Variants in EXT2 observed in about 807,000 individuals in gnomAD.
The protein encoded by EXT2 is exostosin-2.
A neutral mutation model predicts 81.6 loss-of-function variants in EXT2; 53 were observed. The observed-to-expected ratio is 0.65, with a 90% CI of 0.52 to 0.82. EXT2 has a LOEUF of 0.82. Ranked by LOEUF, EXT2 falls within the 40% of genes least tolerant of loss-of-function variation. EXT2 has a pLI of 0.00. For missense variants in EXT2, 774 were observed against 910.2 expected, an observed-to-expected ratio of 0.85 and a Z score of 1.93; for synonymous variants, 320 against 340.0, an observed-to-expected ratio of 0.94 and a Z score of 0.65.
chr11:44,119,148 A>G (rs886360460), intron 4 of EXT2, among the ~76,000 whole-genome samples: 1 of 46,634 alleles, frequency 2.1e-5, no homozygotes, highest in African/African-American at 6.1e-5. Context: ...ATATATATAT[A>G]TATATATATA....
chr11:44,197,736 C>T lies in EXT2; in HGVS notation c.1306-93C>T, dbSNP rs4755233. On this transcript the variant is annotated intron_variant, in intron 8 of 13. Coordinates refer to ENST00000533608, the MANE Select transcript of EXT2 (RefSeq NM_207122.2). ...CTGGGATCTGTCCTGGTAAAAGCCA[C>T]CAAGCCTGCCATGTTTGGGTTTGCT... The T allele has an allele frequency of 0.59, 786,878 of 1,339,332 alleles. 234,940 individuals are homozygous for T. The highest frequency in any genetic ancestry group is 0.67 in the Middle Eastern group (2,639 of 3,944). The allele number at this position is 1,339,332 out of a possible 1,614,324, so 83.0% of individuals were successfully genotyped here. A position where few individuals can be genotyped will look rare whatever the true frequency, so the allele number is the denominator to read the frequency against.
intron 1 of EXT2, among the ~76,000 whole-genome samples, chr11:44,100,360 C>G (rs1953963998): frequency 6.6e-6 from 1 of 152,194 alleles, no homozygotes; most frequent in Admixed American, 6.5e-5. Context: ...ACAAGGACCT[C>G]TTTGCTAGTA....
At chr11:44,228,091 C>T (rs1039444302) in intron 10 of EXT2, among the ~76,000 whole-genome samples, 1 of 152,146 alleles carries the variant, frequency 6.6e-6, no homozygotes, top group Admixed American at 6.5e-5. Flanking sequence ...AAGGACTATC[C>T]AAATTATTGC....
chr11:44,163,312 G>T (rs554824156), intron 7 of EXT2, among the ~76,000 whole-genome samples: 5 of 152,218 alleles, frequency 3.3e-5, no homozygotes, highest in African/African-American at 1.2e-4. Context: ...AGGATGCTTG[G>T]GTTATAATTT....
In EXT2 at chr11:44,178,364, C is replaced by A. The variant is rs138999342; in HGVS notation, c.1305+6622C>A. ...CATTCACTGTGAGTGTCCTAACTCA[C>A]TCCCTGGAGAAGGCTCTTCCTTTCT... On this transcript the variant is annotated intron_variant, in intron 8 of 13. Transcript: ENST00000533608. Among the ~76,000 whole-genome samples, 31 of 152,314 alleles carry A rather than the reference C, an allele frequency of 2.0e-4. No homozygotes were observed. In the East Asian group the frequency reaches 5.8e-3, roughly 28 times the overall value.
chr11:44,239,074 A>G (rs2095608321), intron 13 of EXT2, among the ~76,000 whole-genome samples: 1 of 152,254 alleles, frequency 6.6e-6, no homozygotes, highest in African/African-American at 2.4e-5. Flanking sequence ...ACTAAGCTGC[A>G]TGTGGAAAGG....
intron 9 of EXT2, among the ~76,000 whole-genome samples, chr11:44,198,537 CT>C (rs1955486311): frequency 6.6e-6 from 1 of 152,192 alleles, no homozygotes. Flanking sequence ...TTGGCCACCC[CT>C]GTAATCTGCT....
In EXT2 at chr11:44,204,485, C is replaced by T. The variant is rs77882960; in HGVS notation, c.1496-2308C>T. ...TGAGACCAAAAATTTTGAAAACCAC[C>T]GGTCTGGTAGGTAGGGCTATAACCT... On this transcript the variant is annotated intron_variant, in intron 9 of 13. Coordinates refer to ENST00000533608, the MANE Select transcript of EXT2 (RefSeq NM_207122.2). Among the ~76,000 whole-genome samples, 726 of 152,202 alleles carry T rather than the reference C, an allele frequency of 4.8e-3. 9 individuals are homozygous for T. The highest frequency in any genetic ancestry group is 0.016 in the African/African-American group (669 of 41,526).
chr11:44,208,569 GA>G (rs1955610957), intron 10 of EXT2, among the ~76,000 whole-genome samples: 1 of 152,214 alleles, frequency 6.6e-6, no homozygotes, highest in African/African-American at 2.4e-5. Context: ...TTAGAAGAGT[GA>G]AATCAGGAAG....
intron 13 of EXT2, among the ~76,000 whole-genome samples, chr11:44,239,768 G>A (rs1395100682): frequency 1.6e-5 from 2 of 124,420 alleles, no homozygotes; most frequent in African/African-American, 6.2e-5. Context: ...ATACTTTTAT[G>A]TATGTATATC....
At chr11:44,139,236 GTAT>G (rs1484762933) in intron 7 of EXT2, among the ~76,000 whole-genome samples, 1 of 147,008 alleles carries the variant, frequency 6.8e-6, no homozygotes, top group Non-Finnish European at 1.5e-5. Flanking sequence ...TTTGGATAAA[GTAT>G]TATTGCTTTC....
intron 9 of EXT2, among the ~76,000 whole-genome samples, chr11:44,205,489 AAC>A (rs1293490936): frequency 1.3e-5 from 2 of 152,162 alleles, no homozygotes; most frequent in Non-Finnish European, 2.9e-5. Flanking sequence ...CCCTTCCCCA[AAC>A]ACACTTTTTG....
At chr11:44,222,912 T>A (rs1955797561) in intron 10 of EXT2, among the ~76,000 whole-genome samples, 1 of 152,226 alleles carries the variant, frequency 6.6e-6, no homozygotes, top group Admixed American at 6.5e-5. Flanking sequence ...CTAGAATATG[T>A]TTTTTAAAAC....
chr11:44,231,291 A>G (rs1259532534), intron 10 of EXT2, among the ~76,000 whole-genome samples: 1 of 152,106 alleles, frequency 6.6e-6, no homozygotes, highest in Non-Finnish European at 1.5e-5. Context: ...AGGAATAAAG[A>G]CTGAGTCTTA....
chr11:44,224,646 A>G (rs1955819857), intron 10 of EXT2, among the ~76,000 whole-genome samples: 1 of 152,154 alleles, frequency 6.6e-6, no homozygotes, highest in African/African-American at 2.4e-5. Flanking sequence ...TGGGAAGCAG[A>G]TTTATGCTTT....
intron 10 of EXT2, among the ~76,000 whole-genome samples, chr11:44,224,205 A>G (rs1188563802): frequency 2.0e-5 from 3 of 152,236 alleles, no homozygotes; most frequent in Non-Finnish European, 4.4e-5. Context: ...AGTCAGATGC[A>G]TAATGAATTA....
rs1954087096 is a variant in EXT2, at chr11:44,108,130, A to C, written c.418A>C (p.Ser140Arg). The C allele has an allele frequency of 6.2e-7, 1 of 1,614,058 alleles. No individual in the cohort carries two copies. The highest frequency in any genetic ancestry group is 8.5e-7 in the Non-Finnish European group (1 of 1,180,022). Reference protein sequence around the residue: ...YNELLMAISDSDYYTDDINRA... With the variant: ...YNELLMAISDRDYYTDDINRA... Reference sequence around the variant, plus strand: ...TGAACTGCTCATGGCCATCTCAGACAGTGACTACTACACTGATGACATCAA... The same window carrying C: ...TGAACTGCTCATGGCCATCTCAGACCGTGACTACTACACTGATGACATCAA... The change falls in exon 2 of 14, where the codon AGT (serine) becomes CGT (arginine). Residue 140 changes from serine (S) to arginine (R), a missense_variant. Physicochemically the swap from Ser to Arg is moderately radical, Grantham distance 110. Coordinates refer to ENST00000533608, the MANE Select transcript of EXT2 (RefSeq NM_207122.2).
At chr11:44,236,408 G>A (rs1220757064) in intron 13 of EXT2, 33 bp downstream of exon 13, 2 of 1,597,608 alleles carry the variant, frequency 1.3e-6, no homozygotes, top group African/African-American at 2.7e-5. Context: ...GTGCGCCTTA[G>A]CCTCTGATCT....
At chr11:44,226,255 T>A (rs1163903596) in intron 10 of EXT2, among the ~76,000 whole-genome samples, 1 of 152,226 alleles carries the variant, frequency 6.6e-6, no homozygotes, top group Non-Finnish European at 1.5e-5. Context: ...TTTTCCTGCG[T>A]GGCTTATTTT....
Sources: gnomAD v4.1 joint callset for allele counts (sites outside exome capture counted in the v4.1 genomes callset) on GRCh38, gnomAD v4.1.1 for gene constraint, MANE v1.5 for transcripts, NCBI Gene and HGNC (gene_info 2026-07-23, HGNC 2026-07-21) for gene names.